MTOR: variants seen among roughly 807,000 people sequenced by gnomAD.
MTOR encodes the protein serine/threonine-protein kinase mTOR.
MTOR carries 70 observed loss-of-function variants against 319.8 expected under a neutral mutation model. That is an observed-to-expected ratio of 0.22 (90% CI 0.18 to 0.27). The LOEUF (loss-of-function observed/expected upper bound fraction) is 0.27, where lower values mean the gene tolerates loss of function less well. Ranked by LOEUF, MTOR falls within the 10% of genes least tolerant of loss-of-function variation. The pLI is 1.00. For synonymous variants in MTOR, 1,183 were observed against 1,211.4 expected (o/e 0.98, Z 0.49); for missense variants, 1,890 against 3,274.4 (o/e 0.58, Z 10.32).
chr1:11,231,249 T>C (rs993766953), intron 17 of MTOR, 51 bp downstream of exon 17: 24 of 1,610,190 alleles, frequency 1.5e-5, no homozygotes, highest in Non-Finnish European at 1.9e-5. Flanking sequence ...ATCTCTCTCT[T>C]GCCATCGTCC....
At chr1:11,207,710 T>C (rs1477298223) in intron 25 of MTOR, among the ~76,000 whole-genome samples, 1 of 151,868 alleles carries the variant, frequency 6.6e-6, no homozygotes, top group Non-Finnish European at 1.5e-5. Flanking sequence ...TTGCCCAGGC[T>C]GGTCTCAAAC....
intron 28 of MTOR, chr1:11,193,922 G>GA (rs1645666745): frequency 1.0e-6 from 1 of 962,404 alleles, no homozygotes; most frequent in Non-Finnish European, 1.5e-6. Context: ...TGGAGTTGAG[G>GA]AAAAATAGGT....
At chr1:11,243,706 A>T (rs1317408959) in intron 8 of MTOR, among the ~76,000 whole-genome samples, 1 of 151,804 alleles carries the variant, frequency 6.6e-6, no homozygotes, top group Admixed American at 6.6e-5. Context: ...AAAAAAACCC[A>T]AAAAACGTAA....
chr1:11,160,259 C>T (rs1557787571), intron 29 of MTOR, among the ~76,000 whole-genome samples: 1 of 152,034 alleles, frequency 6.6e-6, no homozygotes, highest in Non-Finnish European at 1.5e-5. Flanking sequence ...CACCACCATG[C>T]CAGGCTAATT....
At chr1:11,144,365 T>C (rs1166358957) in intron 34 of MTOR, 4 of 338,882 alleles carry the variant, frequency 1.2e-5, no homozygotes, top group Non-Finnish European at 2.2e-5. Context: ...TTTGAGGTTA[T>C]GATTCCTAAC....
chr1:11,256,445 G>T, intron 4 of MTOR: 1 of 523,158 alleles, frequency 1.9e-6, no homozygotes, highest in Non-Finnish European at 2.5e-6. Context: ...GTGCAGATGT[G>T]TTTTATGTTT....
chr1:11,233,325 T>C (rs1429000250), intron 15 of MTOR, 73 bp downstream of exon 15: 41 of 1,351,890 alleles, frequency 3.0e-5, no homozygotes, highest in Non-Finnish European at 3.9e-5. Context: ...AAAAAAATAG[T>C]ATTTTGACTT....
chr1:11,108,712 CAAAAAAAAAAAAA>C (rs758531091), intron 56 of MTOR, among the ~76,000 whole-genome samples: 1 of 49,608 alleles, frequency 2.0e-5, no homozygotes, highest in South Asian at 7.2e-4. Flanking sequence ...GACCCTGTCT[CAAAAAAAAAAAAA>C]AAAAAGAAAA....
chr1:11,119,015 G>C (rs1463671256), intron 49 of MTOR, among the ~76,000 whole-genome samples: 2 of 152,036 alleles, frequency 1.3e-5, no homozygotes, highest in African/African-American at 2.4e-5. Flanking sequence ...TGAGACTACA[G>C]GTGTGTACCA....
chr1:11,230,529 C>A (rs766187157), intron 18 of MTOR, among the ~76,000 whole-genome samples: 1 of 152,178 alleles, frequency 6.6e-6, no homozygotes, highest in Non-Finnish European at 1.5e-5. Flanking sequence ...CTCTGATTTC[C>A]CTATCAATTA....
rs930771978 is a variant in MTOR at position 11,133,024 on chromosome 1, G to C, written c.5364+56C>G. ...GCTCAGCTGTAACCACGAGCACACAGGAGGACACGAGCCAGCCAGGGTGCT... is the reference window on the plus strand; with the variant it reads ...GCTCAGCTGTAACCACGAGCACACACGAGGACACGAGCCAGCCAGGGTGCT... On this transcript the variant is annotated intron_variant, in intron 38 of 57. Transcript: ENST00000361445. This position sits in a 1 kb window ranked among gnomAD's most constrained non-coding sequence, Gnocchi z 4.0. The C allele has an allele frequency of 2.1e-6, 3 of 1,457,716 alleles. No individual in the cohort carries two copies. The African/African-American group carries it at 4.2e-5, about 20-fold the overall frequency. The allele number at this position is 1,457,716 out of a possible 1,614,324, so 90.3% of individuals were successfully genotyped here. A position where few individuals can be genotyped will look rare whatever the true frequency, so the allele number is the denominator to read the frequency against.
intron 28 of MTOR, chr1:11,194,695 G>A (rs760316438): frequency 2.5e-6 from 4 of 1,613,180 alleles, no homozygotes; most frequent in Non-Finnish European, 3.4e-6. Flanking sequence ...AGAAGTTCAG[G>A]TACAAGCTCA....
At position 11,212,140 on chromosome 1, in the gene MTOR, C is replaced by T. The variant is rs1646333005; in HGVS notation, c.3561+172G>A. 6.6e-6 allele frequency among the ~76,000 whole-genome samples: 1 copy of T among 152,146 alleles called. No homozygotes were observed. Among genetic ancestry groups the T allele is most frequent in the South Asian group, 2.1e-4 (1 of 4,832 alleles). On this transcript the variant is annotated intron_variant, in intron 23 of 57. Transcript: ENST00000361445. The surrounding 1 kb of genome is among the most constrained non-coding windows in gnomAD (Gnocchi z 4.1). ...GTGTTACCCCCAGAACGGCACTTAG[C>T]TCACATAGGTTGCTCAATAAATGTT...
At chr1:11,151,119 G>A (rs377441638) in intron 30 of MTOR, among the ~76,000 whole-genome samples, 8 of 152,154 alleles carry the variant, frequency 5.3e-5, no homozygotes, top group African/African-American at 1.9e-4. Flanking sequence ...GCTGCTCTGC[G>A]CTCTAAGGTG....
chr1:11,216,566 G>A (rs1364958928), intron 19 of MTOR, among the ~76,000 whole-genome samples: 1 of 151,504 alleles, frequency 6.6e-6, no homozygotes, highest in Non-Finnish European at 1.5e-5. Context: ...AGAAATGCTT[G>A]AGCCCAGAAG....
At position 11,133,332 on chromosome 1, in the gene MTOR, A is replaced by G. The variant is rs1643251667; in HGVS notation, c.5247-135T>C. On this transcript the variant is annotated intron_variant, in intron 37 of 57. Transcript: ENST00000361445. The surrounding 1 kb of genome is among the most constrained non-coding windows in gnomAD (Gnocchi z 4.0). ...TCTCAAGAGGCAATGTGAAGGAGCT[A>G]GCAAAATTTTCAGCCACACGCAAGA... 5.3e-6 allele frequency: 4 copies of G among 759,984 alleles called. No individual in the cohort carries two copies. The South Asian group carries it at 6.9e-5, about 13-fold the overall frequency. The allele number at this position is 759,984 out of a possible 1,614,324, so 47.1% of individuals were successfully genotyped here. A position where few individuals can be genotyped will look rare whatever the true frequency, so the allele number is the denominator to read the frequency against.
chr1:11,193,543 C>T lies in MTOR; in HGVS notation c.4253+5715G>A, dbSNP rs1459639134. On this transcript the variant is annotated intron_variant, in intron 28 of 57. Transcript: ENST00000361445. ...GCCCTCTTGCTCCTGCCTTCTGCCC[C>T]TGCAAGTCCCTCACCAGAGTATCCC... 6 of 1,542,706 alleles carry T rather than the reference C, an allele frequency of 3.9e-6. No homozygotes were observed. The South Asian group carries it at 7.6e-5, about 20-fold the overall frequency.
At chr1:11,130,825 G>C (rs2100434431) in intron 38 of MTOR, 48 bp from the exon 39 acceptor site, 1 of 1,538,356 alleles carries the variant, frequency 6.5e-7, no homozygotes, top group Non-Finnish European at 8.8e-7. Context: ...GTGACCAACA[G>C]CAGGGCTCAG....
intron 18 of MTOR, among the ~76,000 whole-genome samples, chr1:11,230,550 A>C (rs1646981863): frequency 1.3e-5 from 2 of 152,174 alleles, no homozygotes; most frequent in Admixed American, 6.5e-5. Flanking sequence ...AAACAGGAAG[A>C]ATCAATTCTA....
Sources: allele counts gnomAD v4.1 joint callset (sites outside exome capture counted in the v4.1 genomes callset), GRCh38; gene constraint gnomAD v4.1.1; non-coding constraint Gnocchi (gnomAD v3.1); transcripts MANE v1.5; gene names NCBI Gene and HGNC (gene_info 2026-07-23, HGNC 2026-07-21).